CPLANE1: variants seen among roughly 807,000 people sequenced by gnomAD.
CPLANE1 encodes ciliogenesis and planar polarity effector 1.
In CPLANE1, 263 loss-of-function variants were observed where a neutral mutation model predicts 362.5. The observed-to-expected ratio is 0.73, with a 90% CI of 0.66 to 0.80. The LOEUF (loss-of-function observed/expected upper bound fraction) is 0.80, where lower values mean the gene tolerates loss of function less well. Among genes scored for constraint, CPLANE1 ranks in the 30% least tolerant of loss-of-function variants. CPLANE1 has a pLI of 0.00. For synonymous variants in CPLANE1, 1,212 were observed against 1,302.6 expected (o/e 0.93, Z 1.50); for missense variants, 3,461 against 3,793.4 (o/e 0.91, Z 2.30).
Position 37,186,412 on chromosome 5 carries a change from T to A in CPLANE1, c.4081-18A>T. 1 of 1,156,370 alleles carries A rather than the reference T, an allele frequency of 8.6e-7. No homozygotes were observed. Among genetic ancestry groups the A allele is most frequent in the Non-Finnish European group, 1.3e-6 (1 of 771,566 alleles). 71.6% of individuals were successfully genotyped at this position (1,156,370 alleles called of 1,614,324 possible). A position where few individuals can be genotyped will look rare whatever the true frequency, so the allele number is the denominator to read the frequency against. The stretch of plus-strand genomic sequence containing the variant: ...TCTGCTACCTTCAGAAAAAAAATTG[T>A]TTAAGTTTTATGAGAAACATCATTC... On this transcript the variant is annotated intron_variant, in intron 23 of 52. Transcript: ENST00000651892.
the CPLANE1 span, among the ~76,000 whole-genome samples, chr5:37,089,011 T>C: frequency 1.3e-5 from 2 of 151,448 alleles, no homozygotes; most frequent in Non-Finnish European, 2.9e-5. Flanking sequence ...CCAGTCTCTA[T>C]GGAAAGGAAA....
At chr5:37,236,773 A>T (rs1262370518) in intron 8 of CPLANE1, among the ~76,000 whole-genome samples, 2 of 152,130 alleles carry the variant, frequency 1.3e-5, no homozygotes, top group Non-Finnish European at 2.9e-5. Flanking sequence ...ATGAACAGAC[A>T]TTTCTCAAAA....
chr5:37,190,706 T>C (rs193072609), intron 21 of CPLANE1, among the ~76,000 whole-genome samples: 10 of 152,284 alleles, frequency 6.6e-5, no homozygotes, highest in East Asian at 3.9e-4. Context: ...CTCAGGTCAA[T>C]GACAGACTGC....
At position 37,201,714 on chromosome 5, in the gene CPLANE1, C is replaced by T. The variant is rs899827306; in HGVS notation, c.3384G>A (p.Glu1128=). The part of the protein sequence containing the change: ...SVMADADILS[E]TFQLLIDSAK... Reference sequence around the variant, plus strand: ...CAGAGTCTATCAGAAGTTGAAATGTCTCCGAAAGAATATCTGCATCGGCCA... The same window carrying T: ...CAGAGTCTATCAGAAGTTGAAATGTTTCCGAAAGAATATCTGCATCGGCCA... Residue 1128 remains glutamate (E), a synonymous_variant, in exon 19 of 53, where the codon GAG becomes GAA. Coordinates refer to ENST00000651892, the MANE Select transcript of CPLANE1 (RefSeq NM_001384732.1). 3 of 1,614,134 alleles carry T rather than the reference C, an allele frequency of 1.9e-6. No individual in the cohort carries two copies. The highest frequency in any genetic ancestry group is 2.5e-6 in the Non-Finnish European group (3 of 1,179,982).
In CPLANE1 at chr5:37,224,648, G is replaced by C. The variant is rs1796052039; in HGVS notation, c.2384C>G (p.Thr795Ser). Residue 795 changes from threonine (T) to serine (S), a missense_variant, in exon 13 of 53, where the codon ACT (threonine) becomes AGT (serine). Coordinates refer to ENST00000651892, the MANE Select transcript of CPLANE1 (RefSeq NM_001384732.1). The stretch of plus-strand genomic sequence containing the variant: ...AGATGCTTCATGTGTCATCTTTTCA[G>C]TTAACTGACTATCAGCTTCAGGAAC... ...RRVPEADSQLTEKMTHEASTV... is the reference protein window; with the variant it reads ...RRVPEADSQLSEKMTHEASTV... The C allele has an allele frequency of 6.4e-7, 1 of 1,551,264 alleles. No individual in the cohort carries two copies.
chr5:37,158,656 T>C (rs1331124812), intron 38 of CPLANE1, among the ~76,000 whole-genome samples: 1 of 152,204 alleles, frequency 6.6e-6, no homozygotes, highest in Non-Finnish European at 1.5e-5. Context: ...TAGTAAGTCA[T>C]GCTTGTCTAC....
chr5:37,246,723 T>C (rs989248464), intron 2 of CPLANE1, among the ~76,000 whole-genome samples: 5 of 152,096 alleles, frequency 3.3e-5, no homozygotes, highest in Non-Finnish European at 5.9e-5. Flanking sequence ...CTGACCAACA[T>C]GGTGAAACCC....
the CPLANE1 span, among the ~76,000 whole-genome samples, chr5:37,079,869 T>C: frequency 2.0e-5 from 3 of 152,238 alleles, no homozygotes; most frequent in African/African-American, 7.2e-5. Context: ...TGGTGATTAT[T>C]TGAATTGTTG....
chr5:37,184,387 C>T (rs1268169240), intron 25 of CPLANE1, among the ~76,000 whole-genome samples: 2 of 151,830 alleles, frequency 1.3e-5, no homozygotes, highest in Non-Finnish European at 2.9e-5. Context: ...AATTTCCTTC[C>T]CTGAAATATT....
In CPLANE1 at chr5:37,221,407, T is replaced by A. The variant is rs1487026046; in HGVS notation, c.2663A>T (p.Asp888Val). 2 of 1,539,662 alleles carry A rather than the reference T, an allele frequency of 1.3e-6. No homozygotes were observed. Among genetic ancestry groups the A allele is most frequent in the African/African-American group, 2.8e-5 (2 of 72,296 alleles). ...YCHLYSYNLN[D>V]AQGLCDQLAR... ...TAGCTGATCACACAATCCTTGAGCA[T>A]CATTTAAATTATAGCTATAGAGGTG... The change falls in exon 15 of 53, where the codon GAT (aspartate) becomes GTT (valine). Residue 888 changes from aspartate to valine, a missense_variant. Asp to Val is a radical substitution (Grantham distance 152, BLOSUM62 -3). Around this residue, in one of 2 missense-constraint regions of CPLANE1, gnomAD observed 3,380 missense variants for 3,666.1 expected, o/e 0.92. Transcript: ENST00000651892.
At chr5:37,090,553 ACTC>A in the CPLANE1 span, among the ~76,000 whole-genome samples, 2 of 151,790 alleles carry the variant, frequency 1.3e-5, 1 homozygote, top group African/African-American at 4.8e-5. Flanking sequence ...CTGCTGATAA[ACTC>A]CTTTATTTCT....
At chr5:37,176,827 C>T (rs977640914) in intron 30 of CPLANE1, among the ~76,000 whole-genome samples, 2 of 149,948 alleles carry the variant, frequency 1.3e-5, no homozygotes, top group East Asian at 2.0e-4. Flanking sequence ...GGCCTGATCT[C>T]GGCTCACTGC....
intron 31 of CPLANE1, among the ~76,000 whole-genome samples, chr5:37,174,977 T>C (rs954061397): frequency 2.6e-5 from 4 of 152,308 alleles, no homozygotes; most frequent in African/African-American, 9.6e-5. Flanking sequence ...AGGGAGTTAG[T>C]TGCCCAGTGA....
In CPLANE1 at chr5:37,120,351, A is replaced by C; in HGVS notation, c.9186-11T>G. On this transcript the variant is annotated splice_polypyrimidine_tract_variant and intron_variant, in intron 49 of 52. Transcript: ENST00000651892. ...CCATGTTGATTCTCTCTATAGTAGA[A>C]ATCACATAATTATTACATTCCCAGA... 6.5e-7 allele frequency: 1 copy of C among 1,548,548 alleles called. No individual in the cohort carries two copies. Among genetic ancestry groups the C allele is most frequent in the Non-Finnish European group, 8.7e-7 (1 of 1,155,590 alleles).
At chr5:37,142,898 G>A (rs1770219781) in intron 43 of CPLANE1, among the ~76,000 whole-genome samples, 2 of 152,188 alleles carry the variant, frequency 1.3e-5, no homozygotes, top group Non-Finnish European at 1.5e-5. Flanking sequence ...ACACTGCAAT[G>A]AGGGAAAAAC....
Position 37,191,687 on chromosome 5 carries a change from T to A in CPLANE1, c.3812-3845A>T, listed in dbSNP as rs1254570116. Among the ~76,000 whole-genome samples, 3 of 151,850 alleles carry A rather than the reference T, an allele frequency of 2.0e-5. 1 individual carries two copies. Among genetic ancestry groups the A allele is most frequent in the Admixed American group, 2.0e-4 (3 of 15,230 alleles). ...ATCTCTACAAAAACTAAAAAATAAA[T>A]TAGCTGGTACAGTGGCTTACGCCTG... On this transcript the variant is annotated intron_variant, in intron 21 of 52. Transcript: ENST00000651892.
chr5:37,170,680 G>C (rs779201593), intron 32 of CPLANE1, among the ~76,000 whole-genome samples: 1 of 152,204 alleles, frequency 6.6e-6, no homozygotes, highest in African/African-American at 2.4e-5. Flanking sequence ...GCTCACGCCT[G>C]TAATCCCAGC....
chr5:37,123,343 G>GACAAC (rs1190440378), intron 47 of CPLANE1, among the ~76,000 whole-genome samples: 2 of 151,990 alleles, frequency 1.3e-5, no homozygotes, highest in Admixed American at 1.3e-4. Flanking sequence ...CTTTTTCAAG[G>GACAAC]TCCTGTGGAG....
intron 43 of CPLANE1, among the ~76,000 whole-genome samples, chr5:37,143,713 C>T (rs1770504339): frequency 1.3e-5 from 2 of 152,120 alleles, no homozygotes; most frequent in Admixed American, 1.3e-4. Flanking sequence ...GTGGGCTGAT[C>T]ACCTGAGGTC....
Sources: allele counts gnomAD v4.1 joint callset (sites outside exome capture counted in the v4.1 genomes callset), GRCh38; gene constraint gnomAD v4.1.1; regional missense constraint gnomAD v4.1.1; transcripts MANE v1.5; gene names NCBI Gene and HGNC (gene_info 2026-07-23, HGNC 2026-07-21).